DCLK1: variants seen among roughly 807,000 people sequenced by gnomAD.
DCLK1 encodes serine/threonine-protein kinase DCLK1.
Under a neutral mutation model 86.2 loss-of-function variants are expected in DCLK1, and 16 were observed. That is an observed-to-expected ratio of 0.19 (90% CI 0.13 to 0.28). The LOEUF (loss-of-function observed/expected upper bound fraction) is 0.28, where lower values mean the gene tolerates loss of function less well. Ranked by LOEUF, DCLK1 falls within the 10% of genes least tolerant of loss-of-function variation. The probability of loss-of-function intolerance (pLI) is 1.00; values close to 1 mark genes in which losing one functional copy is unlikely to be tolerated. For missense variants in DCLK1, 590 were observed against 940.2 expected (o/e 0.63, Z 4.87); for synonymous variants, 369 against 370.5 (o/e 1.00, Z 0.05).
chr13:35,993,670 TG>T lies in DCLK1; in HGVS notation c.724-46214del, dbSNP rs1880343568. On this transcript the variant is annotated intron_variant, in intron 3 of 16. Transcript: ENST00000360631. ...AAGTGGTTGTGAGAATCAGGTAAAG[TG>T]AGTGTGTTCTGAATTACAAAGATTT... Among the ~76,000 whole-genome samples, 6 of 152,254 alleles carry T rather than the reference TG, an allele frequency of 3.9e-5. No homozygotes were observed. In the South Asian group the frequency reaches 1.2e-3, roughly 32 times the overall value.
At chr13:36,105,502 AG>A (rs756592102) in intron 3 of DCLK1, among the ~76,000 whole-genome samples, 2 of 152,192 alleles carry the variant, frequency 1.3e-5, no homozygotes, top group Non-Finnish European at 2.9e-5. Flanking sequence ...GAGGATTATC[AG>A]GGTGTGAACT....
intron 5 of DCLK1, among the ~76,000 whole-genome samples, chr13:35,866,425 GT>G (rs1182774496): frequency 3.3e-5 from 5 of 150,244 alleles, no homozygotes; most frequent in Non-Finnish European, 7.4e-5. Flanking sequence ...TAAACTTTGG[GT>G]TAATGTTTTG....
intron 3 of DCLK1, among the ~76,000 whole-genome samples, chr13:35,973,304 G>C (rs927302081): frequency 1.3e-5 from 2 of 152,194 alleles, no homozygotes; most frequent in Non-Finnish European, 2.9e-5. Flanking sequence ...GAGGATCCCA[G>C]GCCTCCTGCT....
At chr13:36,014,088 C>T (rs1409044294) in intron 3 of DCLK1, among the ~76,000 whole-genome samples, 1 of 152,218 alleles carries the variant, frequency 6.6e-6, no homozygotes, top group Admixed American at 6.5e-5. Flanking sequence ...CGCGCACCCA[C>T]TGGCCTGCGC....
chr13:35,860,368 C>T (rs759458518), intron 5 of DCLK1, among the ~76,000 whole-genome samples: 1 of 152,014 alleles, frequency 6.6e-6, no homozygotes, highest in Non-Finnish European at 1.5e-5. Context: ...GAGACAACTA[C>T]CTAACAGAGG....
intron 16 of DCLK1, chr13:35,788,153 T>G: frequency 2.0e-6 from 3 of 1,517,298 alleles, no homozygotes; most frequent in South Asian, 2.2e-5. Flanking sequence ...AACTGGTTAA[T>G]GGAGACTGCC....
At chr13:35,943,821 C>T (rs1002657110) in intron 4 of DCLK1, among the ~76,000 whole-genome samples, 2 of 152,178 alleles carry the variant, frequency 1.3e-5, no homozygotes, top group African/African-American at 2.4e-5. Context: ...CATTTGTCAT[C>T]AACATAGAAG....
chr13:36,078,969 A>T (rs905203597), intron 3 of DCLK1, among the ~76,000 whole-genome samples: 3 of 152,112 alleles, frequency 2.0e-5, no homozygotes, highest in African/African-American at 7.2e-5. Context: ...GTGGACAGAT[A>T]CTCAGAAAAG....
intron 3 of DCLK1, among the ~76,000 whole-genome samples, chr13:36,033,872 C>T (rs777087027): frequency 6.6e-6 from 1 of 152,174 alleles, no homozygotes; most frequent in Non-Finnish European, 1.5e-5. Context: ...TTGTGGTGAG[C>T]CGAAGTCGCA....
chr13:35,889,126 C>A (rs1431348106), intron 4 of DCLK1, among the ~76,000 whole-genome samples: 2 of 152,136 alleles, frequency 1.3e-5, no homozygotes, highest in Admixed American at 6.6e-5. Flanking sequence ...ATTACAGAAA[C>A]CTAAAACATC....
chr13:36,073,981 G>C (rs1276166676), intron 3 of DCLK1, among the ~76,000 whole-genome samples: 1 of 152,094 alleles, frequency 6.6e-6, no homozygotes, highest in Non-Finnish European at 1.5e-5. Context: ...CAGAAAATGT[G>C]GGTTACAGTT....
At chr13:35,853,018 A>G (rs565401584) in intron 6 of DCLK1, among the ~76,000 whole-genome samples, 4 of 152,214 alleles carry the variant, frequency 2.6e-5, no homozygotes, top group South Asian at 2.1e-4. Context: ...TCTGTATCCA[A>G]TGGCGGTCCC....
At chr13:36,100,710 C>G (rs9531435) in intron 3 of DCLK1, among the ~76,000 whole-genome samples, 89,756 of 151,910 alleles carry the variant, frequency 0.59, 26,987 homozygotes, top group East Asian at 0.87. Context: ...TGCCCTAAGT[C>G]ATGGGCAGCC....
At chr13:36,079,500 C>T (rs1003939278) in intron 3 of DCLK1, among the ~76,000 whole-genome samples, 4 of 151,972 alleles carry the variant, frequency 2.6e-5, no homozygotes, top group Non-Finnish European at 4.4e-5. Flanking sequence ...GGCATGGTGG[C>T]GGGCACATGT....
At chr13:36,025,157 A>T (rs1593827889) in intron 3 of DCLK1, among the ~76,000 whole-genome samples, 1 of 151,810 alleles carries the variant, frequency 6.6e-6, no homozygotes, top group African/African-American at 2.4e-5. Context: ...TAGTAGAGAT[A>T]AGGTTTCTCC....
chr13:35,854,407 C>T (rs958158979), intron 6 of DCLK1, 92 bp downstream of exon 6: 1 of 1,028,214 alleles, frequency 9.7e-7, no homozygotes, highest in African/African-American at 1.6e-5. Flanking sequence ...TAGATATCGC[C>T]TAGAGACGAG....
chr13:36,067,414 G>T (rs1015995213), intron 3 of DCLK1, among the ~76,000 whole-genome samples: 2 of 112,146 alleles, frequency 1.8e-5, no homozygotes, highest in Non-Finnish European at 1.8e-5. Flanking sequence ...GTTGTGGGGT[G>T]GGGGGAGGGG....
intron 4 of DCLK1, among the ~76,000 whole-genome samples, chr13:35,941,170 G>A (rs1877058359): frequency 6.6e-6 from 1 of 152,014 alleles, no homozygotes. Context: ...CCATTAGGTT[G>A]GTGCAAAAGT....
intron 16 of DCLK1, among the ~76,000 whole-genome samples, chr13:35,787,349 C>A (rs184386426): frequency 6.6e-6 from 1 of 151,392 alleles, no homozygotes; most frequent in East Asian, 1.9e-4. Context: ...ATTAAGATGG[C>A]GAAAACAGCC....
Sources: allele counts gnomAD v4.1 joint callset (sites outside exome capture counted in the v4.1 genomes callset), GRCh38; gene constraint gnomAD v4.1.1; transcripts MANE v1.5; gene names NCBI Gene and HGNC (gene_info 2026-07-23, HGNC 2026-07-21).